Variants in BACH2 observed in about 807,000 individuals in gnomAD.
The protein encoded by BACH2 is transcription regulator protein BACH2.
A neutral mutation model predicts 61.8 loss-of-function variants in BACH2; 5 were observed. That is an observed-to-expected ratio of 0.08 (90% CI 0.04 to 0.17). BACH2 has a LOEUF of 0.17. BACH2 is among the 10% of genes least tolerant of loss of function. The probability of loss-of-function intolerance (pLI) is 1.00; values close to 1 mark genes in which losing one functional copy is unlikely to be tolerated. For missense variants in BACH2, 824 were observed against 1,091.1 expected (o/e 0.76, Z 3.45); for synonymous variants, 446 against 440.1 (o/e 1.01, Z -0.17).
intron 1 of BACH2, among the ~76,000 whole-genome samples, chr6:90,281,152 C>T (rs1281533220): frequency 6.6e-6 from 1 of 152,200 alleles, no homozygotes; most frequent in African/African-American, 2.4e-5. Context: ...GGGGACAGCT[C>T]TCTTAATGTG....
intron 4 of BACH2, among the ~76,000 whole-genome samples, chr6:90,093,438 T>C (rs1456794297): frequency 6.6e-6 from 1 of 152,176 alleles, no homozygotes; most frequent in Non-Finnish European, 1.5e-5. Context: ...AACACAACTT[T>C]CTGTAATGAT....
rs1054461151 is a variant in BACH2 at position 90,011,282 on chromosome 6, A to G, written c.-12-2426T>C. ...TCCTTTTGCATAGGAATATCCAATC[A>G]TTCCCGCAGCATTGTTAAAAATACT... On this transcript the variant is annotated intron_variant, in intron 5 of 8. Coordinates refer to ENST00000257749, the MANE Select transcript of BACH2 (RefSeq NM_021813.4). 3.9e-5 allele frequency among the ~76,000 whole-genome samples: 6 copies of G among 152,348 alleles called. 1 individual carries two copies. The highest frequency in any genetic ancestry group is 6.5e-5 in the Admixed American group (1 of 15,308).
intron 5 of BACH2, among the ~76,000 whole-genome samples, chr6:90,038,763 G>T (rs941942021): frequency 6.6e-6 from 1 of 152,038 alleles, no homozygotes; most frequent in Non-Finnish European, 1.5e-5. Flanking sequence ...TATGGCCCGG[G>T]CATGGTGGCT....
At chr6:89,999,899 T>C (rs934564725) in intron 6 of BACH2, among the ~76,000 whole-genome samples, 1 of 152,196 alleles carries the variant, frequency 6.6e-6, no homozygotes, top group African/African-American at 2.4e-5. Flanking sequence ...TAAATAGACA[T>C]AGTGAAAAGA....
intron 5 of BACH2, among the ~76,000 whole-genome samples, chr6:90,061,969 G>C (rs1032115703): frequency 6.6e-6 from 1 of 152,202 alleles, no homozygotes; most frequent in Non-Finnish European, 1.5e-5. Context: ...AAAGGGAGCA[G>C]TAAAGTGGAG....
chr6:90,211,284 C>T (rs941767596), intron 3 of BACH2, among the ~76,000 whole-genome samples: 1 of 152,032 alleles, frequency 6.6e-6, no homozygotes, highest in Non-Finnish European at 1.5e-5. Context: ...GGCCAAGTGC[C>T]CCTCACCAGC....
chr6:90,054,234 A>C, intron 5 of BACH2, among the ~76,000 whole-genome samples: 1 of 152,232 alleles, frequency 6.6e-6, no homozygotes, highest in Non-Finnish European at 1.5e-5. Flanking sequence ...AAGCGGTGAC[A>C]GACGGCACCT....
rs1037000454 is a variant in BACH2, at chr6:90,188,809, T to C, written c.-162+17760A>G. The stretch of plus-strand genomic sequence containing the variant: ...AAGGGGACTGAGTATTTACGTTTTT[T>C]AGCATTGGATTAAAAAAAAATAAAA... On this transcript the variant is annotated intron_variant, in intron 4 of 8. Coordinates refer to ENST00000257749, the MANE Select transcript of BACH2 (RefSeq NM_021813.4). Among the ~76,000 whole-genome samples the C allele has an allele frequency of 2.0e-5, 3 of 150,352 alleles. No individual in the cohort carries two copies. In the East Asian group the frequency reaches 5.8e-4, roughly 29 times the overall value.
At chr6:90,212,786 C>T (rs1769401654) in intron 3 of BACH2, among the ~76,000 whole-genome samples, 1 of 152,122 alleles carries the variant, frequency 6.6e-6, no homozygotes, top group African/African-American at 2.4e-5. Context: ...AAAAGAGAGA[C>T]ACATTGTTGG....
intron 6 of BACH2, among the ~76,000 whole-genome samples, chr6:89,985,425 T>A (rs1776187187): frequency 6.6e-6 from 1 of 152,054 alleles, no homozygotes; most frequent in South Asian, 2.1e-4. Flanking sequence ...AGTTCACAAC[T>A]CCAGATGCTG....
intron 5 of BACH2, among the ~76,000 whole-genome samples, chr6:90,053,949 G>C (rs898364290): frequency 6.6e-6 from 1 of 152,102 alleles, no homozygotes. Context: ...CTCTGGATCA[G>C]TATTTCTCAT....
intron 4 of BACH2, among the ~76,000 whole-genome samples, chr6:90,132,697 G>A (rs1784119451): frequency 6.6e-6 from 1 of 152,100 alleles, no homozygotes; most frequent in Admixed American, 6.5e-5. Context: ...ACCTGTCAGG[G>A]ACACCACCAT....
At chr6:90,071,681 G>C (rs538609506) in intron 5 of BACH2, among the ~76,000 whole-genome samples, 1 of 152,178 alleles carries the variant, frequency 6.6e-6, no homozygotes, top group Non-Finnish European at 1.5e-5. Flanking sequence ...AGGGGTTGGG[G>C]CGCCGATCCC....
chr6:90,267,898 A>C (rs1301660929), intron 2 of BACH2, among the ~76,000 whole-genome samples: 2 of 152,206 alleles, frequency 1.3e-5, no homozygotes, highest in Admixed American at 1.3e-4. Context: ...GGAGAAAGAC[A>C]ATCAACTTTT....
At chr6:90,013,631 C>G (rs1443005824) in intron 5 of BACH2, among the ~76,000 whole-genome samples, 2 of 151,754 alleles carry the variant, frequency 1.3e-5, no homozygotes, top group Non-Finnish European at 2.9e-5. Flanking sequence ...CTCAGCCTCC[C>G]AAGTAGCTGG....
chr6:90,127,679 T>TA (rs1562462353), intron 4 of BACH2, among the ~76,000 whole-genome samples: 2 of 152,238 alleles, frequency 1.3e-5, no homozygotes, highest in East Asian at 3.9e-4. Flanking sequence ...TGTTTAGAGT[T>TA]AAAAAAGAAG....
intron 3 of BACH2, among the ~76,000 whole-genome samples, chr6:90,246,465 T>C (rs1228149258): frequency 2.0e-5 from 3 of 152,260 alleles, no homozygotes; most frequent in Non-Finnish European, 2.9e-5. Context: ...CAGATTTCCA[T>C]ACAAAAGAAA....
chr6:90,260,493 A>G (rs2089126), intron 2 of BACH2, among the ~76,000 whole-genome samples: 40,884 of 152,084 alleles, frequency 0.27, 6,024 homozygotes, highest in Non-Finnish European at 0.34. Context: ...TGTTCTATGT[A>G]TACTCTAGAA....
At chr6:90,146,815 T>A (rs1429428428) in intron 4 of BACH2, among the ~76,000 whole-genome samples, 8 of 152,114 alleles carry the variant, frequency 5.3e-5, no homozygotes, top group African/African-American at 1.9e-4. Context: ...ACTCTGGGAG[T>A]AAACTATAAG....
Sources: allele counts gnomAD v4.1 joint callset (sites outside exome capture counted in the v4.1 genomes callset), GRCh38; gene constraint gnomAD v4.1.1; transcripts MANE v1.5; gene names NCBI Gene and HGNC (gene_info 2026-07-23, HGNC 2026-07-21).